Variants in MLLT3 observed in about 807,000 individuals in gnomAD.
MLLT3 encodes MLLT3 super elongation complex subunit.
Under a neutral mutation model 53.2 loss-of-function variants are expected in MLLT3, and 4 were observed. That is an observed-to-expected ratio of 0.08 (90% confidence interval 0.04 to 0.17). The LOEUF (loss-of-function observed/expected upper bound fraction) is 0.17, where lower values mean the gene tolerates loss of function less well. Ranked by LOEUF, MLLT3 falls within the 10% of genes least tolerant of loss-of-function variation. MLLT3 has a pLI of 1.00. For synonymous variants in MLLT3, 283 were observed against 230.6 expected (o/e 1.23, Z -2.06); for missense variants, 569 against 684.0 (o/e 0.83, Z 1.87).
intron 5 of MLLT3, among the ~76,000 whole-genome samples, chr9:20,412,141 C>T (rs1455529039): frequency 6.6e-6 from 1 of 152,102 alleles, no homozygotes; most frequent in South Asian, 2.1e-4. Context: ...GGCAAAGTTG[C>T]AAAATTTGAC....
intron 2 of MLLT3, among the ~76,000 whole-genome samples, chr9:20,538,330 G>T (rs947478816): frequency 5.3e-5 from 8 of 152,124 alleles, no homozygotes; most frequent in African/African-American, 1.9e-4. Flanking sequence ...TTGAAACAAA[G>T]GGGTCAAATT....
chr9:20,461,688 T>C (rs1477043000), intron 2 of MLLT3, among the ~76,000 whole-genome samples: 2 of 152,144 alleles, frequency 1.3e-5, no homozygotes, highest in African/African-American at 2.4e-5. Context: ...TTAGAAGTAT[T>C]ATTAGGCAAC....
chr9:20,505,791 T>C (rs1406311443), intron 2 of MLLT3, among the ~76,000 whole-genome samples: 4 of 152,300 alleles, frequency 2.6e-5, no homozygotes, highest in South Asian at 4.1e-4. Context: ...GGAAGGCTTA[T>C]GTTACAGGTA....
intron 3 of MLLT3, among the ~76,000 whole-genome samples, chr9:20,451,165 T>G (rs1204849801): frequency 6.6e-6 from 1 of 152,152 alleles, no homozygotes; most frequent in African/African-American, 2.4e-5. Context: ...AGAAAAATAT[T>G]AAATCATGCC....
At chr9:20,477,467 A>G (rs1222147229) in intron 2 of MLLT3, among the ~76,000 whole-genome samples, 1 of 152,152 alleles carries the variant, frequency 6.6e-6, no homozygotes, top group African/African-American at 2.4e-5. Flanking sequence ...GTAGACCCCA[A>G]TAAGTTAAAA....
At chr9:20,470,083 G>A (rs1486789994) in intron 2 of MLLT3, among the ~76,000 whole-genome samples, 2 of 151,876 alleles carry the variant, frequency 1.3e-5, no homozygotes, top group African/African-American at 2.4e-5. Flanking sequence ...TGTTTCCCAA[G>A]TATTATTTTT....
intron 2 of MLLT3, among the ~76,000 whole-genome samples, chr9:20,548,170 T>A (rs2119023148): frequency 6.6e-6 from 1 of 152,344 alleles, no homozygotes; most frequent in East Asian, 1.9e-4. Context: ...TAAATGAAAT[T>A]TAGAATTCAA....
intron 5 of MLLT3, among the ~76,000 whole-genome samples, chr9:20,392,072 C>T (rs1000627831): frequency 1.2e-4 from 19 of 152,084 alleles, no homozygotes; most frequent in East Asian, 1.9e-4. Context: ...GGAACTTCAC[C>T]GGAAAAATAT....
rs1338826815 is a variant in MLLT3 at position 20,413,727 on chromosome 9, T to C, written c.1119A>G (p.Lys373=). The C allele has an allele frequency of 6.3e-7, 1 of 1,593,298 alleles. No homozygotes were observed. Among genetic ancestry groups the C allele is most frequent in the Non-Finnish European group, 8.5e-7 (1 of 1,172,502 alleles). ...DSDVEENISS[K]SDSEQPSPAS... The stretch of plus-strand genomic sequence containing the variant: ...GCCAGTAAGAACTACTCACATCAGA[T>C]TTAGAGGATATATTCTCCTCCACAT... The change falls in exon 5 of 11, where the codon AAA becomes AAG. Residue 373 remains lysine (K), a synonymous_variant. Transcript: ENST00000380338.
intron 5 of MLLT3, among the ~76,000 whole-genome samples, chr9:20,400,046 A>T (rs76494740): frequency 4.3e-5 from 5 of 116,222 alleles, no homozygotes; most frequent in African/African-American, 1.3e-4. Context: ...TAACATCATT[A>T]AAAAAAAAGA....
At chr9:20,379,028 C>A (rs946220962) in intron 5 of MLLT3, among the ~76,000 whole-genome samples, 1 of 152,056 alleles carries the variant, frequency 6.6e-6, no homozygotes, top group Non-Finnish European at 1.5e-5. Context: ...CTAACAGTTG[C>A]TTTTCTTCAT....
chr9:20,564,132 T>C (rs1032506921), intron 2 of MLLT3, among the ~76,000 whole-genome samples: 6 of 152,154 alleles, frequency 3.9e-5, no homozygotes, highest in African/African-American at 1.4e-4. Context: ...AATTAGCAGG[T>C]AATATATCAT....
chr9:20,432,069 T>C (rs1353702522), intron 4 of MLLT3, among the ~76,000 whole-genome samples: 5 of 152,160 alleles, frequency 3.3e-5, no homozygotes, highest in Non-Finnish European at 5.9e-5. Flanking sequence ...ATTTTTATTA[T>C]AAGAAAAATT....
intron 2 of MLLT3, among the ~76,000 whole-genome samples, chr9:20,478,512 G>T (rs186851480): frequency 6.6e-6 from 1 of 152,048 alleles, no homozygotes; most frequent in South Asian, 2.1e-4. Context: ...ACTGTGCCCC[G>T]TCAAGGAACA....
At position 20,363,329 on chromosome 9, in the gene MLLT3, G is replaced by C. The variant is rs943493579; in HGVS notation, c.1331+147C>G. 1.3e-5 allele frequency: 11 copies of C among 846,750 alleles called. No homozygotes were observed. In the South Asian group the frequency reaches 2.0e-4, roughly 16 times the overall value. The allele number at this position is 846,750 out of a possible 1,614,324, so 52.5% of individuals were successfully genotyped here. On this transcript the variant is annotated intron_variant, in intron 7 of 10. Coordinates refer to ENST00000380338, the MANE Select transcript of MLLT3 (RefSeq NM_004529.4). ...AACAGTTCCCTGTAAAGTGTGTGTAGGCATACCAAGGAGACCCTGCATCAA... is the reference window on the plus strand; with the variant it reads ...AACAGTTCCCTGTAAAGTGTGTGTACGCATACCAAGGAGACCCTGCATCAA...
At position 20,414,509 on chromosome 9, in the gene MLLT3, CTTT is replaced by C; in HGVS notation, c.421-87_421-85del. On this transcript the variant is annotated intron_variant, in intron 4 of 10. Transcript: ENST00000380338. Reference sequence around the variant, plus strand: ...AAGAGATCTACATAAAATGATCCTTCTTTGATTCCTCTCAAGCTATCATTAAAA... The same window carrying C: ...AAGAGATCTACATAAAATGATCCTTCGATTCCTCTCAAGCTATCATTAAAA... The C allele has an allele frequency of 1.7e-5, 26 of 1,566,688 alleles. No individual in the cohort carries two copies. The South Asian group carries it at 2.4e-4, about 14-fold the overall frequency.
At chr9:20,366,091 G>C (rs1484461781) in intron 5 of MLLT3, among the ~76,000 whole-genome samples, 2 of 152,110 alleles carry the variant, frequency 1.3e-5, no homozygotes, top group East Asian at 3.8e-4. Context: ...GGATACATGG[G>C]CAGAACATGC....
chr9:20,409,476 T>C (rs1405707316), intron 5 of MLLT3, among the ~76,000 whole-genome samples: 1 of 152,222 alleles, frequency 6.6e-6, no homozygotes, highest in Non-Finnish European at 1.5e-5. Context: ...AAACCTTTAG[T>C]TGACACTGAT....
In MLLT3 at chr9:20,448,065, T is replaced by G. The variant is rs560294145; in HGVS notation, c.420+58A>C. On this transcript the variant is annotated intron_variant, in intron 4 of 10. Transcript: ENST00000380338. The surrounding 1 kb of genome is among the most constrained non-coding windows in gnomAD (Gnocchi z 4.0). ...CATGAGGAACTAGTTTGTTTGTTTT[T>G]TTTTTTGTTGTTGTTGTTTTTTAAT... 9.2e-4 allele frequency: 1,437 copies of G among 1,557,640 alleles called. 12 individuals carry two copies. In the African/African-American group the frequency reaches 0.017, roughly 18 times the overall value.
Sources: allele counts gnomAD v4.1 joint callset (sites outside exome capture counted in the v4.1 genomes callset), GRCh38; gene constraint gnomAD v4.1.1; non-coding constraint Gnocchi (gnomAD v3.1); transcripts MANE v1.5; gene names NCBI Gene and HGNC (gene_info 2026-07-23, HGNC 2026-07-21).